PDE3A: variants seen among roughly 807,000 people sequenced by gnomAD.
The protein encoded by PDE3A is cGMP-inhibited 3',5'-cyclic phosphodiesterase 3A.
PDE3A carries 43 observed loss-of-function variants against 98.3 expected under a neutral mutation model. The observed-to-expected ratio is 0.44, with a 90% CI of 0.34 to 0.56. The LOEUF is 0.56. Ranked by LOEUF, PDE3A falls within the 20% of genes least tolerant of loss-of-function variation. PDE3A has a pLI of 0.01. For synonymous variants in PDE3A, 663 were observed against 567.9 expected (o/e 1.17, Z -2.38); for missense variants, 1,427 against 1,440.7 (o/e 0.99, Z 0.15).
chr12:20,605,088 A>G (rs1016648807), intron 2 of PDE3A, among the ~76,000 whole-genome samples: 6 of 152,156 alleles, frequency 3.9e-5, no homozygotes, highest in African/African-American at 1.4e-4. Context: ...GTGTAAAGCT[A>G]CCTGACTTCG....
intron 10 of PDE3A, among the ~76,000 whole-genome samples, chr12:20,642,314 G>A (rs1287131923): frequency 4.6e-5 from 7 of 152,072 alleles, no homozygotes; most frequent in Non-Finnish European, 7.4e-5. Flanking sequence ...GATTTAAACA[G>A]AGAATTAAAG....
chr12:20,379,702 G>C (rs1296683061), intron 1 of PDE3A, among the ~76,000 whole-genome samples: 4 of 151,678 alleles, frequency 2.6e-5, no homozygotes, highest in African/African-American at 9.7e-5. Flanking sequence ...TGACTAAGTT[G>C]ATTTAAGGAA....
At position 20,681,467 on chromosome 12, in the gene PDE3A, T is replaced by A. The variant is rs926063362; in HGVS notation, c.*1196T>A. On this transcript the variant is annotated 3_prime_UTR_variant, in exon 16 of 16. Coordinates refer to ENST00000359062, the MANE Select transcript of PDE3A (RefSeq NM_000921.5). ...AGGAAACAGAAAAATCACTCTGGGT[T>A]ATATAGCAAGAGATGAAGGAGAATA... 6.6e-6 allele frequency: 1 copy of A among 152,214 alleles called. No individual in the cohort carries two copies. The highest frequency in any genetic ancestry group is 1.5e-5 in the Non-Finnish European group (1 of 68,034). 9.4% of individuals were successfully genotyped at this position (152,214 alleles called of 1,614,324 possible).
intron 5 of PDE3A, among the ~76,000 whole-genome samples, chr12:20,626,163 T>C (rs1399903712): frequency 6.6e-6 from 1 of 151,832 alleles, no homozygotes; most frequent in Non-Finnish European, 1.5e-5. Flanking sequence ...AGGTTATTCA[T>C]CCCTATTCCT....
At chr12:20,439,881 A>G (rs1169312803) in intron 1 of PDE3A, among the ~76,000 whole-genome samples, 1 of 152,176 alleles carries the variant, frequency 6.6e-6, no homozygotes, top group Non-Finnish European at 1.5e-5. Context: ...AGCTAGCACT[A>G]TCTAGTAGAG....
At chr12:20,582,075 T>C (rs1358760430) in intron 2 of PDE3A, among the ~76,000 whole-genome samples, 1 of 152,198 alleles carries the variant, frequency 6.6e-6, no homozygotes, top group Non-Finnish European at 1.5e-5. Context: ...CAAGTTTTTG[T>C]TTTCTGATTC....
At chr12:20,526,884 C>CTGTGTGTG (rs71039949) in intron 1 of PDE3A, among the ~76,000 whole-genome samples, 110 of 136,928 alleles carry the variant, frequency 8.0e-4, no homozygotes, top group East Asian at 3.4e-3. Flanking sequence ...ACATTTTTTT[C>CTGTGTGTG]TGTGTGTGTG....
chr12:20,622,218 T>G (rs1242327611), intron 5 of PDE3A, among the ~76,000 whole-genome samples: 1 of 152,058 alleles, frequency 6.6e-6, no homozygotes. Context: ...AAACTCCAAT[T>G]TTTATGTCAC....
At position 20,369,194 on chromosome 12, in the gene PDE3A, T is replaced by TGC. The variant is rs750311185; in HGVS notation, c.-90_-89insCG. ...GAATTGGGAAGAGCGTGCGTGCGTG[T>TGC]GTGTGTGTGTGTGTGTGCGCGCGCG... is the stretch of plus-strand genomic sequence containing the variant. On this transcript the variant is annotated 5_prime_UTR_variant, in exon 1 of 16. Coordinates refer to ENST00000359062, the MANE Select transcript of PDE3A (RefSeq NM_000921.5). 1.3e-4 allele frequency: 33 copies of TGC among 246,564 alleles called. No individual in the cohort carries two copies. The highest frequency in any genetic ancestry group is 1.9e-4 in the Admixed American group (3 of 15,588). The allele number at this position is 246,564 out of a possible 1,614,324, so 15.3% of individuals were successfully genotyped here.
At chr12:20,556,314 G>T (rs1434911000) in intron 1 of PDE3A, among the ~76,000 whole-genome samples, 5 of 152,054 alleles carry the variant, frequency 3.3e-5, no homozygotes, top group Non-Finnish European at 7.4e-5. Context: ...TTTAACTGCA[G>T]TAGTCATTTA....
intron 2 of PDE3A, among the ~76,000 whole-genome samples, chr12:20,566,894 G>A (rs1242872194): frequency 3.3e-5 from 5 of 151,830 alleles, no homozygotes; most frequent in Admixed American, 1.3e-4. Flanking sequence ...TCAGGTGTAC[G>A]GTGACTTAGT....
At chr12:20,565,226 G>T (rs939440863) in intron 2 of PDE3A, among the ~76,000 whole-genome samples, 7 of 151,892 alleles carry the variant, frequency 4.6e-5, no homozygotes, top group Non-Finnish European at 1.0e-4. Flanking sequence ...CTCAAGTTTT[G>T]CCTTCCACTT....
intron 2 of PDE3A, among the ~76,000 whole-genome samples, chr12:20,563,095 T>A (rs1942571254): frequency 6.6e-6 from 1 of 152,186 alleles, no homozygotes; most frequent in South Asian, 2.1e-4. Context: ...TAGCATAATG[T>A]TAAGTCTCAA....
Position 20,370,014 on chromosome 12 carries a change from G to T in PDE3A, c.730G>T (p.Ala244Ser). Residue 244 changes from alanine (A) to serine (S), a missense_variant, in exon 1 of 16, where the codon GCC (alanine) becomes TCC (serine). Transcript: ENST00000359062. Reference protein sequence around the residue: ...VAWRPYLAYLAGVLGILLARY... With the variant: ...VAWRPYLAYLSGVLGILLARY... ...CTGGAGACCTTACCTGGCGTACCTG[G>T]CCGGCGTGCTGGGGATCCTCTTGGC... The T allele has an allele frequency of 6.2e-7, 1 of 1,612,996 alleles. No individual in the cohort carries two copies. The highest frequency in any genetic ancestry group is 8.5e-7 in the Non-Finnish European group (1 of 1,179,954).
At chr12:20,629,262 T>C (rs1030879479) in intron 5 of PDE3A, among the ~76,000 whole-genome samples, 2 of 152,192 alleles carry the variant, frequency 1.3e-5, no homozygotes, top group African/African-American at 4.8e-5. Flanking sequence ...TACCCATACT[T>C]GAAATGGAAA....
intron 1 of PDE3A, among the ~76,000 whole-genome samples, chr12:20,381,237 A>C (rs1943657869): frequency 6.6e-6 from 1 of 151,868 alleles, no homozygotes; most frequent in South Asian, 2.1e-4. Flanking sequence ...TAGATTGGGA[A>C]TGTTGGATAC....
In PDE3A at chr12:20,674,674, A is replaced by G. The variant is rs373611881; in HGVS notation, c.3185-5356A>G. On this transcript the variant is annotated intron_variant, in intron 15 of 15. Transcript: ENST00000359062. ...AGGTTTTCTATTTCTTCCTGATTCAATCTTGGTATATGTGTCCAGGAATTT... is the reference window on the plus strand; with the variant it reads ...AGGTTTTCTATTTCTTCCTGATTCAGTCTTGGTATATGTGTCCAGGAATTT... 4.6e-5 allele frequency among the ~76,000 whole-genome samples: 7 copies of G among 152,118 alleles called. No individual in the cohort carries two copies. In the East Asian group the frequency reaches 1.2e-3, roughly 25 times the overall value.
Position 20,637,117 on chromosome 12 carries a change from T to C in PDE3A, c.2019T>C (p.Ala673=). 1 of 1,607,882 alleles carries C rather than the reference T, an allele frequency of 6.2e-7. No individual in the cohort carries two copies. The highest frequency in any genetic ancestry group is 8.5e-7 in the Non-Finnish European group (1 of 1,177,454). Residue 673 remains alanine (A), a synonymous_variant, in exon 9 of 16, where the codon GCT becomes GCC. Coordinates refer to ENST00000359062, the MANE Select transcript of PDE3A (RefSeq NM_000921.5). ...CATTACAGGACAAACCAATTCTTGCTCCCGAACCTCTTGTCATGGATAACC... is the reference window on the plus strand; with the variant it reads ...CATTACAGGACAAACCAATTCTTGCCCCCGAACCTCTTGTCATGGATAACC... ...TMMFLDKPIL[A]PEPLVMDNLD...
intron 1 of PDE3A, among the ~76,000 whole-genome samples, chr12:20,424,038 G>A (rs1369492699): frequency 6.6e-6 from 1 of 152,060 alleles, no homozygotes; most frequent in Non-Finnish European, 1.5e-5. Context: ...ATTTGGTGAG[G>A]CATATACAAA....
Sources: allele counts gnomAD v4.1 joint callset (sites outside exome capture counted in the v4.1 genomes callset), GRCh38; gene constraint gnomAD v4.1.1; transcripts MANE v1.5; gene names NCBI Gene and HGNC (gene_info 2026-07-23, HGNC 2026-07-21).